FCHO2: variants seen among roughly 807,000 people sequenced by gnomAD.
FCHO2 encodes FCH and mu domain containing endocytic adaptor 2, also known as F-BAR domain only protein 2.
In FCHO2, 43 loss-of-function variants were observed where a neutral mutation model predicts 114.1. That is an observed-to-expected ratio of 0.38 (90% confidence interval 0.30 to 0.49). The LOEUF is 0.49. Ranked by LOEUF, FCHO2 falls within the 20% of genes least tolerant of loss-of-function variation. The probability of loss-of-function intolerance (pLI) is 0.97; values close to 1 mark genes in which losing one functional copy is unlikely to be tolerated. For synonymous variants in FCHO2, 293 were observed against 315.2 expected, an observed-to-expected ratio of 0.93 and a Z score of 0.75; for missense variants, 807 against 950.4, an observed-to-expected ratio of 0.85 and a Z score of 1.98.
intron 17 of FCHO2, among the ~76,000 whole-genome samples, chr5:73,061,021 A>C (rs1334851869): frequency 8.6e-5 from 13 of 151,282 alleles, no homozygotes; most frequent in Non-Finnish European, 1.8e-4. Context: ...AAAAAAAAAA[A>C]CCGCTTAAAA....
At chr5:72,965,294 TA>T (rs1415361392) in intron 1 of FCHO2, among the ~76,000 whole-genome samples, 1 of 152,190 alleles carries the variant, frequency 6.6e-6, no homozygotes, top group African/African-American at 2.4e-5. Context: ...TCAGTGCATA[TA>T]AAAGTTATGT....
intron 1 of FCHO2, among the ~76,000 whole-genome samples, chr5:72,963,805 C>A (rs968044056): frequency 6.6e-6 from 1 of 151,910 alleles, no homozygotes; most frequent in African/African-American, 2.4e-5. Flanking sequence ...CCTGCCTCAG[C>A]CTCCCAAAGT....
Position 73,054,535 on chromosome 5 carries a change from A to G in FCHO2, c.1196A>G (p.Asn399Ser). ...AISRHSPVQMNRNLSNEELTK... is the reference protein window; with the variant it reads ...AISRHSPVQMSRNLSNEELTK... The stretch of plus-strand genomic sequence containing the variant: ...GCATCTCTGTTTTAGGTACAGATGA[A>G]TCGGAATTTGTCTAGTAAGTTTGAC... Residue 399 changes from asparagine (N) to serine (S), a missense_variant, in exon 15 of 26, where the codon AAT becomes AGT. Coordinates refer to ENST00000430046, the MANE Select transcript of FCHO2 (RefSeq NM_138782.3). The G allele has an allele frequency of 6.5e-7, 1 of 1,541,138 alleles. No homozygotes were observed. The highest frequency in any genetic ancestry group is 8.8e-7 in the Non-Finnish European group (1 of 1,142,150).
intron 1 of FCHO2, among the ~76,000 whole-genome samples, chr5:72,959,746 G>T (rs1751746846): frequency 6.6e-6 from 1 of 150,956 alleles, no homozygotes; most frequent in African/African-American, 2.4e-5. Context: ...GGTCTGTCTT[G>T]TCTTGTCTTC....
intron 6 of FCHO2, among the ~76,000 whole-genome samples, chr5:73,013,243 G>A (rs1354203855): frequency 1.3e-5 from 2 of 151,182 alleles, no homozygotes; most frequent in Non-Finnish European, 2.9e-5. Context: ...TGCCGAAACT[G>A]TAATTTCACC....
At chr5:72,987,645 G>T (rs557921736) in intron 2 of FCHO2, among the ~76,000 whole-genome samples, 46 of 152,136 alleles carry the variant, frequency 3.0e-4, no homozygotes, top group Admixed American at 1.1e-3. Flanking sequence ...GCTGATTAGG[G>T]ATGTTTAATC....
intron 11 of FCHO2, among the ~76,000 whole-genome samples, chr5:73,046,939 GTTC>G (rs994062519): frequency 2.0e-5 from 3 of 152,160 alleles, no homozygotes; most frequent in Admixed American, 2.0e-4. Context: ...TGCCTTCACA[GTTC>G]TTCATATCTT....
At chr5:73,004,047 C>CAAA (rs34849736) in intron 5 of FCHO2, among the ~76,000 whole-genome samples, 5 of 26,466 alleles carry the variant, frequency 1.9e-4, no homozygotes, top group African/African-American at 4.3e-4. Flanking sequence ...GACTCCATCT[C>CAAA]AAAAAAAAAA....
At chr5:72,972,360 A>C (rs956155712) in intron 2 of FCHO2, among the ~76,000 whole-genome samples, 1 of 151,762 alleles carries the variant, frequency 6.6e-6, no homozygotes, top group Non-Finnish European at 1.5e-5. Flanking sequence ...ATTTGTTTGT[A>C]TCCTCTTTTA....
chr5:72,988,435 C>T (rs1228894744), intron 2 of FCHO2, among the ~76,000 whole-genome samples: 1 of 151,876 alleles, frequency 6.6e-6, no homozygotes, highest in Non-Finnish European at 1.5e-5. Flanking sequence ...CATATTCCGT[C>T]TCAAAAAAAG....
intron 5 of FCHO2, among the ~76,000 whole-genome samples, chr5:72,996,528 C>T (rs1186906995): frequency 6.8e-6 from 1 of 147,696 alleles, no homozygotes; most frequent in Non-Finnish European, 1.5e-5. Context: ...TCTCTGCTTA[C>T]CCCCCTCCCT....
intron 2 of FCHO2, among the ~76,000 whole-genome samples, chr5:72,972,703 T>C (rs146887261): frequency 0.015 from 2,267 of 152,274 alleles, 47 homozygotes; most frequent in South Asian, 0.054. Context: ...TTCCTTCTCC[T>C]GCCTAATTGC....
chr5:73,018,041 T>A lies in FCHO2; in HGVS notation c.796+733T>A, dbSNP rs115249397. ...GTTACTATATCATGTTCTTGCAAGA[T>A]ACATGTTTCACTCCATAAGTAAAAA... On this transcript the variant is annotated intron_variant, in intron 8 of 25. Coordinates refer to ENST00000430046, the MANE Select transcript of FCHO2 (RefSeq NM_138782.3). Among the ~76,000 whole-genome samples the A allele has an allele frequency of 4.2e-3, 647 of 152,266 alleles. 7 individuals are homozygous for A. Among genetic ancestry groups the A allele is most frequent in the African/African-American group, 0.015 (617 of 41,552 alleles).
At chr5:73,032,340 T>C (rs943698051) in intron 8 of FCHO2, among the ~76,000 whole-genome samples, 5 of 152,332 alleles carry the variant, frequency 3.3e-5, no homozygotes, top group Non-Finnish European at 4.4e-5. Flanking sequence ...TTTTAATATA[T>C]ATTTTTTGAT....
chr5:73,008,622 G>A (rs1309353658), intron 6 of FCHO2, among the ~76,000 whole-genome samples: 4 of 152,196 alleles, frequency 2.6e-5, no homozygotes, highest in African/African-American at 9.6e-5. Context: ...CAAGTAATCT[G>A]GGCTGGACAT....
chr5:73,062,058 G>GT (rs1261912424), intron 17 of FCHO2, among the ~76,000 whole-genome samples: 1 of 151,906 alleles, frequency 6.6e-6, no homozygotes. Context: ...TATCGCCTAT[G>GT]TTTTTTTATA....
chr5:73,010,531 A>G (rs1248264889), intron 6 of FCHO2, among the ~76,000 whole-genome samples: 1 of 152,128 alleles, frequency 6.6e-6, no homozygotes, highest in Non-Finnish European at 1.5e-5. Context: ...ACAGGGATAC[A>G]CTTTAAGAAA....
chr5:72,995,624 G>A (rs1476419977), intron 5 of FCHO2, among the ~76,000 whole-genome samples: 10 of 152,084 alleles, frequency 6.6e-5, no homozygotes, highest in Admixed American at 4.6e-4. Context: ...CGAGGTTGAG[G>A]GGCCACATCT....
chr5:73,014,263 T>A (rs1755175867), intron 6 of FCHO2, among the ~76,000 whole-genome samples: 1 of 151,750 alleles, frequency 6.6e-6, no homozygotes, highest in African/African-American at 2.4e-5. Context: ...GATTGTATAT[T>A]ATTATTTCTT....
Sources: allele counts gnomAD v4.1 joint callset (sites outside exome capture counted in the v4.1 genomes callset), GRCh38; gene constraint gnomAD v4.1.1; transcripts MANE v1.5; gene names NCBI Gene and HGNC (gene_info 2026-07-23, HGNC 2026-07-21).